ITGAE: variants seen among roughly 807,000 people sequenced by gnomAD.
The protein encoded by ITGAE is integrin alpha-E.
ITGAE carries 99 observed loss-of-function variants against 136.5 expected under a neutral mutation model. That is an observed-to-expected ratio of 0.73 (90% CI 0.62 to 0.86). The LOEUF is 0.86. Ranked by LOEUF, ITGAE falls within the 40% of genes least tolerant of loss-of-function variation. The probability of loss-of-function intolerance (pLI) is 0.00; values close to 1 mark genes in which losing one functional copy is unlikely to be tolerated. For missense variants in ITGAE, 1,447 were observed against 1,515.3 expected (o/e 0.95, Z 0.75); for synonymous variants, 613 against 591.8 (o/e 1.04, Z -0.52).
In ITGAE at chr17:3,751,647, C is replaced by T; in HGVS notation, c.1893+3G>A. 6.2e-7 allele frequency: 1 copy of T among 1,612,852 alleles called. No homozygotes were observed. Among genetic ancestry groups the T allele is most frequent in the Non-Finnish European group, 8.5e-7 (1 of 1,179,114 alleles). ...AGAGGAAGGAGAGGGCCCCATGGGT[C>T]ACCTGCGAGGGGCTGGCGGAGAGGC... On this transcript the variant is annotated splice_donor_region_variant and intron_variant, in intron 15 of 30. Transcript: ENST00000263087.
At chr17:3,732,849 C>T (rs1337373878) in intron 21 of ITGAE, among the ~76,000 whole-genome samples, 1 of 152,188 alleles carries the variant, frequency 6.6e-6, no homozygotes, top group Non-Finnish European at 1.5e-5. Flanking sequence ...CACACACCAG[C>T]ACTGCCACGT....
chr17:3,725,838 T>A (rs543775943), intron 26 of ITGAE: 2 of 1,611,764 alleles, frequency 1.2e-6, no homozygotes, highest in South Asian at 2.2e-5. Context: ...GCTCACAGCC[T>A]CCCTCGCAGT....
chr17:3,786,166 CA>C (rs369144318), intron 1 of ITGAE, among the ~76,000 whole-genome samples: 5,181 of 58,444 alleles, frequency 0.089, 93 homozygotes, highest in East Asian at 0.23. Context: ...GACTCCATCT[CA>C]AAAAAAAAAA....
intron 2 of ITGAE, among the ~76,000 whole-genome samples, chr17:3,764,288 G>A (rs951858570): frequency 1.3e-5 from 2 of 152,222 alleles, no homozygotes; most frequent in African/African-American, 4.8e-5. Flanking sequence ...GTTGGGGTTG[G>A]TTCTGTTGGG....
intron 11 of ITGAE, among the ~76,000 whole-genome samples, chr17:3,755,626 C>T (rs549941620): frequency 2.2e-4 from 33 of 152,242 alleles, no homozygotes; most frequent in African/African-American, 7.2e-4. Context: ...GAGACTGCAC[C>T]GCTGCACTCC....
rs535028066 is a variant in ITGAE at position 3,765,316 on chromosome 17, TC to T, written c.156-1357del. Among the ~76,000 whole-genome samples, 229 of 114,354 alleles carry T rather than the reference TC, an allele frequency of 2.0e-3. 2 individuals carry two copies. The highest frequency in any genetic ancestry group is 7.7e-3 in the African/African-American group (221 of 28,808). 75.0% of individuals were successfully genotyped at this position (114,354 alleles called of 152,430 possible). ...GTGAGCCGAGATCACGCCACTGAAC[TC>T]CAGCCTGGGTGACAGAGCGAGACTC... On this transcript the variant is annotated intron_variant, in intron 2 of 30. Coordinates refer to ENST00000263087, the MANE Select transcript of ITGAE (RefSeq NM_002208.5).
intron 12 of ITGAE, among the ~76,000 whole-genome samples, chr17:3,754,262 ATTTTTATT>A (rs1245350797): frequency 6.6e-6 from 1 of 151,884 alleles, no homozygotes; most frequent in Non-Finnish European, 1.5e-5. Flanking sequence ...CACTATTATT[ATTTTTATT>A]TATTTATTTA....
At chr17:3,764,648 G>T (rs1389617168) in intron 2 of ITGAE, among the ~76,000 whole-genome samples, 1 of 152,176 alleles carries the variant, frequency 6.6e-6, no homozygotes, top group African/African-American at 2.4e-5. Context: ...AGTGAGCGGA[G>T]ATCACGCCAC....
intron 27 of ITGAE, 119 bp downstream of exon 27, chr17:3,723,569 G>GC (rs1458178298): frequency 7.8e-6 from 9 of 1,152,548 alleles, no homozygotes. Context: ...GCTAGGGAGG[G>GC]CCTGGCAGCC....
intron 28 of ITGAE, 61 bp from the exon 29 acceptor site, chr17:3,720,463 T>C: frequency 2.5e-6 from 2 of 791,484 alleles, no homozygotes; most frequent in South Asian, 1.4e-5. Flanking sequence ...ACTCACTGTG[T>C]TTGAACAGCC....
chr17:3,741,981 G>A (rs1451292744), intron 19 of ITGAE, among the ~76,000 whole-genome samples: 3 of 152,212 alleles, frequency 2.0e-5, no homozygotes, highest in Admixed American at 2.0e-4. Flanking sequence ...GGAGGCTGAG[G>A]CAGGAGAATT....
At chr17:3,781,062 G>T (rs1186389043) in intron 1 of ITGAE, among the ~76,000 whole-genome samples, 1 of 152,154 alleles carries the variant, frequency 6.6e-6, no homozygotes, top group Non-Finnish European at 1.5e-5. Context: ...TTTGTTTACT[G>T]CCTACTCATG....
chr17:3,788,825 T>A (rs8077887), intron 1 of ITGAE, among the ~76,000 whole-genome samples: 1 of 144,644 alleles, frequency 6.9e-6, no homozygotes, highest in African/African-American at 2.5e-5. Flanking sequence ...AAATAATAAT[T>A]ATTAAAATAA....
At chr17:3,732,254 C>CA in intron 22 of ITGAE, 114 bp downstream of exon 22, 1 of 808,982 alleles carries the variant, frequency 1.2e-6, no homozygotes, top group Non-Finnish European at 2.1e-6. Context: ...GCTGGGGACA[C>CA]ACTGCAGTCA....
At chr17:3,753,633 G>T in intron 13 of ITGAE, 150 bp downstream of exon 13, 1 of 1,130,452 alleles carries the variant, frequency 8.8e-7, no homozygotes, top group Non-Finnish European at 1.2e-6. Context: ...ATGCAGAGCT[G>T]AAGCAGAGCC....
At position 3,753,427 on chromosome 17, in the gene ITGAE, C is replaced by T. The variant is rs1263278070; in HGVS notation, c.1531G>A (p.Gly511Arg). The change falls in exon 14 of 31, where the codon GGG becomes AGG. Residue 511 changes from glycine to arginine, a missense_variant. By Grantham distance (125) the Gly-to-Arg change is moderately radical. Coordinates refer to ENST00000263087, the MANE Select transcript of ITGAE (RefSeq NM_002208.5). The part of the protein sequence containing the change: ...FLPVLEGEQM[G>R]SYFGSELCPV... ...CACAGCTCAGAGCCAAAATAGGACC[C>T]CATCTACAGCCCGGGAGGAACTCAG... 3 of 1,613,470 alleles carry T rather than the reference C, an allele frequency of 1.9e-6. No homozygotes were observed. Among genetic ancestry groups the T allele is most frequent in the Non-Finnish European group, 2.5e-6 (3 of 1,179,606 alleles).
At chr17:3,761,865 G>T in intron 4 of ITGAE, 50 bp downstream of exon 4, 1 of 1,511,144 alleles carries the variant, frequency 6.6e-7, no homozygotes. Flanking sequence ...AACCACGAGG[G>T]CTAGCACCAG....
chr17:3,737,386 G>T (rs1020847728), intron 20 of ITGAE, among the ~76,000 whole-genome samples: 8 of 152,108 alleles, frequency 5.3e-5, no homozygotes, highest in African/African-American at 1.7e-4. Context: ...GGCAGGGGAG[G>T]GGGGACAGAG....
At chr17:3,794,032 G>A (rs1220987523) in intron 1 of ITGAE, among the ~76,000 whole-genome samples, 16 of 139,760 alleles carry the variant, frequency 1.1e-4, no homozygotes, top group African/African-American at 4.3e-4. Flanking sequence ...AGGCTGGAGT[G>A]CAATGGCACG....
Sources: allele counts gnomAD v4.1 joint callset (sites outside exome capture counted in the v4.1 genomes callset), GRCh38; gene constraint gnomAD v4.1.1; transcripts MANE v1.5; gene names NCBI Gene and HGNC (gene_info 2026-07-23, HGNC 2026-07-21).